CTSB: variants seen among roughly 807,000 people sequenced by gnomAD.
CTSB encodes the protein APP secretase.
CTSB carries 57 observed loss-of-function variants against 44.3 expected under a neutral mutation model. The ratio of observed to expected loss-of-function variants is 1.29; its 90% confidence interval spans 1.04 to 1.60. The LOEUF (loss-of-function observed/expected upper bound fraction) is 1.60, where lower values mean the gene tolerates loss of function less well. Among genes scored for constraint, CTSB ranks in the 40% most tolerant of loss-of-function variants. The pLI, the probability that CTSB is intolerant of heterozygous loss-of-function variation, is 0.00. For synonymous variants in CTSB, 320 were observed against 168.0 expected, an observed-to-expected ratio of 1.91 and a Z score of -7.00; for missense variants, 768 against 443.0, an observed-to-expected ratio of 1.73 and a Z score of -6.59.
At chr8:11,852,186 T>A (rs959160400) in intron 3 of CTSB, among the ~76,000 whole-genome samples, 1 of 152,016 alleles carries the variant, frequency 6.6e-6, no homozygotes, top group Admixed American at 6.5e-5. Context: ...GCCTGGCCAG[T>A]ATGGCGAAAC....
chr8:11,861,449 C>A (rs571449455), intron 1 of CTSB: 1 of 152,480 alleles, frequency 6.6e-6, no homozygotes, highest in East Asian at 1.9e-4. Context: ...GCCCAGCCCA[C>A]GCAAGCTGCT....
intron 5 of CTSB, 65 bp downstream of exon 5, chr8:11,848,981 A>T (rs918351458): frequency 1.6e-6 from 2 of 1,218,158 alleles, no homozygotes; most frequent in East Asian, 4.7e-5. Flanking sequence ...AGTCCCCTCC[A>T]CTGAGAAGCT....
chr8:11,866,198 G>T (rs1241974784), intron 1 of CTSB, among the ~76,000 whole-genome samples: 2 of 152,148 alleles, frequency 1.3e-5, no homozygotes, highest in African/African-American at 4.8e-5. Context: ...CCCAGGTCCA[G>T]CAGCTGGGGA....
chr8:11,845,261 G>T (rs766059802), intron 9 of CTSB, 39 bp from the exon 10 acceptor site: 1 of 1,475,520 alleles, frequency 6.8e-7, no homozygotes, highest in Non-Finnish European at 9.5e-7. Flanking sequence ...AGTGTGACAA[G>T]GGTCAACCAA....
rs1812679445 is a variant in CTSB, at chr8:11,843,680, A to C, written c.*1445T>G. The C allele has an allele frequency of 6.6e-6, 1 of 152,220 alleles. No individual in the cohort carries two copies. Among genetic ancestry groups the C allele is most frequent in the Admixed American group, 6.5e-5 (1 of 15,284 alleles). 9.4% of individuals were successfully genotyped at this position (152,220 alleles called of 1,614,324 possible). On this transcript the variant is annotated 3_prime_UTR_variant, in exon 10 of 10. Coordinates refer to ENST00000353047, the MANE Select transcript of CTSB (RefSeq NM_001908.5). ...GCATCTTGGTTATGTGAGATCACCA[A>C]GACACCAAGCCTGTTTTATGAGCTG...
intron 1 of CTSB, among the ~76,000 whole-genome samples, chr8:11,865,022 G>A (rs149637207): frequency 1.3e-5 from 2 of 152,226 alleles, no homozygotes; most frequent in East Asian, 1.9e-4. Context: ...ATGCCAGGGC[G>A]CAAGGTTTGC....
chr8:11,852,405 A>G (rs923088304), intron 3 of CTSB, among the ~76,000 whole-genome samples: 4 of 152,180 alleles, frequency 2.6e-5, no homozygotes, highest in African/African-American at 9.7e-5. Flanking sequence ...TTCTCTACTA[A>G]TAACTTGAGA....
intron 3 of CTSB, 27 bp downstream of exon 3, chr8:11,852,583 C>T (rs1268780421): frequency 1.3e-6 from 2 of 1,589,500 alleles, no homozygotes; most frequent in African/African-American, 2.7e-5. Flanking sequence ...ACTCACATTA[C>T]AGCGGTGCAG....
chr8:11,859,057 C>A (rs573573265), intron 1 of CTSB, among the ~76,000 whole-genome samples: 2 of 152,132 alleles, frequency 1.3e-5, no homozygotes, highest in Non-Finnish European at 2.9e-5. Context: ...ATCTCTAGAC[C>A]TTGGTCTGCT....
rs527599033 is a variant in CTSB, at chr8:11,844,108, C to G, written c.*1017G>C. 3.9e-5 allele frequency: 6 copies of G among 152,350 alleles called. No homozygotes were observed. The South Asian group carries it at 6.2e-4, about 16-fold the overall frequency. 9.4% of individuals were successfully genotyped at this position (152,350 alleles called of 1,614,324 possible). A position where few individuals can be genotyped will look rare whatever the true frequency, so the allele number is the denominator to read the frequency against. ...CAAGGGCAAGCTTACCAGGCACTTA[C>G]AGAGAAGGTTGACGAGGATGACAGG... On this transcript the variant is annotated 3_prime_UTR_variant, in exon 10 of 10. Transcript: ENST00000353047.
rs114046772 is a variant in CTSB, at chr8:11,853,247, G to A, written c.126+82C>T. ...GACAATGTTCTGTGGGCCACAGTGA[G>A]GGCTGGCTTCCCATTCCTGGAGTCA... is the stretch of plus-strand genomic sequence containing the variant. On this transcript the variant is annotated intron_variant, in intron 2 of 9. Transcript: ENST00000353047. The A allele has an allele frequency of 1.7e-4, 263 of 1,557,830 alleles. 2 individuals are homozygous for A. The African/African-American group carries it at 2.2e-3, about 13-fold the overall frequency.
chr8:11,848,335 A>G, intron 5 of CTSB, 183 bp from the exon 6 acceptor site: 1 of 690,994 alleles, frequency 1.4e-6, no homozygotes, highest in Non-Finnish European at 2.6e-6. Flanking sequence ...CACAGCTTGC[A>G]GGGAATAACC....
At position 11,843,955 on chromosome 8, in the gene CTSB, C is replaced by G. The variant is rs1330783528; in HGVS notation, c.*1170G>C. ...GCTGAAGCAGGAGAATCGCTTGAAT[C>G]TAGGAGGCTGCAGGTTGCAGTGAGC... On this transcript the variant is annotated 3_prime_UTR_variant, in exon 10 of 10. Coordinates refer to ENST00000353047, the MANE Select transcript of CTSB (RefSeq NM_001908.5). 2 of 152,242 alleles carry G rather than the reference C, an allele frequency of 1.3e-5. No homozygotes were observed. The highest frequency in any genetic ancestry group is 2.9e-5 in the Non-Finnish European group (2 of 68,060). The allele number at this position is 152,242 out of a possible 1,614,324, so 9.4% of individuals were successfully genotyped here.
rs17573 is a variant in CTSB at position 11,847,141 on chromosome 8, C to A, written c.704G>T (p.Ser235Ile). The change falls in exon 8 of 10, where the codon AGC (serine) becomes ATC (isoleucine). Residue 235 changes from serine (S) to isoleucine (I), a missense_variant. Coordinates refer to ENST00000353047, the MANE Select transcript of CTSB (RefSeq NM_001908.5). ...YGYNSYSVSN[S>I]EKDIMAEIYK... Reference sequence around the variant, plus strand: ...GATCTCGGCCATGATGTCCTTCTCGCTATTGGAGACGCTGTAGGAATTGTA... The same window carrying A: ...GATCTCGGCCATGATGTCCTTCTCGATATTGGAGACGCTGTAGGAATTGTA... The A allele has an allele frequency of 6.3e-7, 1 of 1,593,454 alleles. No homozygotes were observed. Among genetic ancestry groups the A allele is most frequent in the Non-Finnish European group, 8.6e-7 (1 of 1,169,310 alleles).
chr8:11,846,399 CTTCCTTTGTCAAACTGT>C (rs1466490232), intron 8 of CTSB: 1 of 152,354 alleles, frequency 6.6e-6, no homozygotes. Context: ...CCAGAATCAT[CTTCCTTTGTCAAACTGT>C]TGTTTTACAA....
chr8:11,846,692 G>A (rs962330393), intron 8 of CTSB, among the ~76,000 whole-genome samples: 2 of 152,234 alleles, frequency 1.3e-5, no homozygotes, highest in Non-Finnish European at 2.9e-5. Context: ...ACAGAAACAT[G>A]CTGGTAAAGC....
At chr8:11,857,548 T>G (rs1053695365) in intron 1 of CTSB, among the ~76,000 whole-genome samples, 1 of 152,156 alleles carries the variant, frequency 6.6e-6, no homozygotes. Context: ...AACTTGAATT[T>G]TAAAACCAAG....
intron 1 of CTSB, among the ~76,000 whole-genome samples, chr8:11,858,213 T>C (rs1189323089): frequency 6.6e-6 from 1 of 152,232 alleles, no homozygotes; most frequent in African/African-American, 2.4e-5. Flanking sequence ...CTCTCTCCTC[T>C]AACACTTCTA....
chr8:11,864,940 AAC>A (rs1408856694), intron 1 of CTSB, among the ~76,000 whole-genome samples: 7 of 152,022 alleles, frequency 4.6e-5, no homozygotes, highest in African/African-American at 7.2e-5. Context: ...AAAATGTCTA[AAC>A]ACAGAGTGGA....
Sources: gnomAD v4.1 joint callset for allele counts (sites outside exome capture counted in the v4.1 genomes callset) on GRCh38, gnomAD v4.1.1 for gene constraint, MANE v1.5 for transcripts, NCBI Gene and HGNC (gene_info 2026-07-23, HGNC 2026-07-21) for gene names.